The following CHD1 variants were observed in gnomAD, a reference collection of about 807,000 sequenced individuals.
The protein encoded by CHD1 is chromodomain helicase DNA binding protein 1.
In CHD1, 36 loss-of-function variants were observed where a neutral mutation model predicts 224.2. The observed-to-expected ratio is 0.16, with a 90% CI of 0.12 to 0.21. The LOEUF (loss-of-function observed/expected upper bound fraction) is 0.21. Ranked by LOEUF, CHD1 falls within the 10% of genes least tolerant of loss-of-function variation. The pLI, the probability that CHD1 is intolerant of heterozygous loss-of-function variation, is 1.00. For synonymous variants in CHD1, 668 were observed against 658.3 expected (o/e 1.01, Z -0.23); for missense variants, 1,378 against 1,994.8 (o/e 0.69, Z 5.89).
intron 17 of CHD1, among the ~76,000 whole-genome samples, chr5:98,886,628 T>C (rs991039298): frequency 5.9e-5 from 9 of 152,180 alleles, no homozygotes; most frequent in Non-Finnish European, 1.0e-4. Flanking sequence ...ATTTTAACTC[T>C]GCGAAGAAAA....
At chr5:98,910,730 T>C (rs1034398534) in intron 2 of CHD1, among the ~76,000 whole-genome samples, 2 of 152,168 alleles carry the variant, frequency 1.3e-5, no homozygotes, top group African/African-American at 2.4e-5. Context: ...GCAGATTATA[T>C]ACACATTATA....
At chr5:98,901,566 G>C (rs1183435028) in intron 5 of CHD1, among the ~76,000 whole-genome samples, 1 of 151,946 alleles carries the variant, frequency 6.6e-6, no homozygotes, top group African/African-American at 2.4e-5. Flanking sequence ...TCAGTGAACA[G>C]CAAATAAATG....
chr5:98,911,144 A>ATATATATACATATATATATATATAT (rs1321937045), intron 2 of CHD1, among the ~76,000 whole-genome samples: 3 of 73,760 alleles, frequency 4.1e-5, no homozygotes, highest in Non-Finnish European at 2.6e-5. Context: ...AAAAAAAAAA[A>ATATATATACATATATATATATATAT]AAATATATAT....
chr5:98,873,812 A>G (rs1749543054), intron 25 of CHD1, 89 bp from the exon 26 acceptor site: 3 of 1,204,040 alleles, frequency 2.5e-6, no homozygotes, highest in Admixed American at 2.1e-5. Flanking sequence ...CAAGATCTGA[A>G]TATCACTCTA....
Position 98,900,954 on chromosome 5 carries a change from T to C in CHD1, c.716A>G (p.Asn239Ser). 6.2e-7 allele frequency: 1 copy of C among 1,614,086 alleles called. No homozygotes were observed. Among genetic ancestry groups the C allele is most frequent in the Non-Finnish European group, 8.5e-7 (1 of 1,180,006 alleles). Reference protein sequence around the residue: ...KRSSRRQATVNVSYKEDEEMK... With the variant: ...KRSSRRQATVSVSYKEDEEMK... ...TTCTTCATCCTCCTTATAGCTAACATTAACAGTTGCTTGGCGACGAGAACT... is the reference window on the plus strand; with the variant it reads ...TTCTTCATCCTCCTTATAGCTAACACTAACAGTTGCTTGGCGACGAGAACT... The change falls in exon 7 of 36, where the codon AAT (asparagine) becomes AGT (serine). Residue 239 changes from asparagine (N) to serine (S), a missense_variant. By Grantham distance (46) the Asn-to-Ser change is conservative. Coordinates refer to ENST00000614616, the MANE Select transcript of CHD1 (RefSeq NM_001270.4).
chr5:98,910,639 G>A (rs1253752342), intron 2 of CHD1, among the ~76,000 whole-genome samples: 2 of 151,952 alleles, frequency 1.3e-5, no homozygotes, highest in South Asian at 2.1e-4. Context: ...TTTTTAACAT[G>A]AGCAAATTAC....
chr5:98,878,353 G>A (rs1414760032), intron 23 of CHD1, among the ~76,000 whole-genome samples: 3 of 152,076 alleles, frequency 2.0e-5, no homozygotes, highest in African/African-American at 7.2e-5. Context: ...TGCAAGAAAA[G>A]AAAAAACAAA....
chr5:98,881,704 T>G (rs1406090481), intron 20 of CHD1, among the ~76,000 whole-genome samples: 1 of 152,094 alleles, frequency 6.6e-6, no homozygotes, highest in Non-Finnish European at 1.5e-5. Flanking sequence ...GAGGTGGGGT[T>G]TCACTATGTT....
At chr5:98,907,628 T>TTATTTACTG (rs955035782) in intron 2 of CHD1, among the ~76,000 whole-genome samples, 2 of 151,302 alleles carry the variant, frequency 1.3e-5, no homozygotes, top group African/African-American at 4.9e-5. Context: ...AAGGAATATC[T>TTATTTACTG]TATTTACTGC....
chr5:98,873,576 T>C lies in CHD1; in HGVS notation c.3571+17A>G. ...TTCATTTACTTCTCTTTTAAATCAC[T>C]CTCAGTTTAATGTTACCTGTTCGTT... On this transcript the variant is annotated intron_variant, in intron 26 of 35. Coordinates refer to ENST00000614616, the MANE Select transcript of CHD1 (RefSeq NM_001270.4). 1 of 1,554,634 alleles carries C rather than the reference T, an allele frequency of 6.4e-7. No individual in the cohort carries two copies. Among genetic ancestry groups the C allele is most frequent in the Non-Finnish European group, 8.7e-7 (1 of 1,153,002 alleles).
chr5:98,888,663 T>C (rs867461519), intron 16 of CHD1, among the ~76,000 whole-genome samples: 5 of 152,230 alleles, frequency 3.3e-5, no homozygotes, highest in East Asian at 1.9e-4. Flanking sequence ...AGTGGCTGGA[T>C]TGCAGCTGTG....
chr5:98,884,576 G>A (rs550828886), intron 18 of CHD1, among the ~76,000 whole-genome samples: 1 of 152,126 alleles, frequency 6.6e-6, no homozygotes, highest in East Asian at 1.9e-4. Context: ...CTCAGGTGAA[G>A]GGTGCACCAA....
chr5:98,928,078 C>A (rs936279949), intron 1 of CHD1, among the ~76,000 whole-genome samples: 10 of 152,128 alleles, frequency 6.6e-5, no homozygotes, highest in Non-Finnish European at 1.3e-4. Context: ...GACCTGCCCC[C>A]CTCTCCCAGG....
chr5:98,855,489 T>C lies in CHD1; in HGVS notation c.*891A>G, dbSNP rs1486601413. The C allele has an allele frequency of 6.6e-6, 1 of 152,320 alleles. No individual in the cohort carries two copies. The highest frequency in any genetic ancestry group is 2.4e-5 in the African/African-American group (1 of 41,388). 9.4% of individuals were successfully genotyped at this position (152,320 alleles called of 1,614,324 possible). Reference sequence around the variant, plus strand: ...AGTTTAGATTTTACATATCTCGCCATTTTTTAAAACTACAAACACAATATT... The same window carrying C: ...AGTTTAGATTTTACATATCTCGCCACTTTTTAAAACTACAAACACAATATT... On this transcript the variant is annotated 3_prime_UTR_variant, in exon 36 of 36. Transcript: ENST00000614616.
In CHD1 at chr5:98,888,196, T is replaced by C. The variant is rs752845055; in HGVS notation, c.2388A>G (p.Leu796=). The change falls in exon 17 of 36, where the codon CTA becomes CTG. Residue 796 remains leucine (L), a synonymous_variant. Coordinates refer to ENST00000614616, the MANE Select transcript of CHD1 (RefSeq NM_001270.4). ...TGCCTCGTTCTCTTAGGCGAATTAA[T>C]AGCTTGTCAAGAAGAATCAATTTTC... The part of the protein sequence containing the change: ...SSGKLILLDK[L]LIRLRERGNR... 26 of 1,611,348 alleles carry C rather than the reference T, an allele frequency of 1.6e-5. No individual in the cohort carries two copies. The East Asian group carries it at 4.7e-4, about 29-fold the overall frequency.
At chr5:98,928,060 C>T (rs1753598762) in intron 1 of CHD1, among the ~76,000 whole-genome samples, 1 of 152,180 alleles carries the variant, frequency 6.6e-6, no homozygotes, top group Non-Finnish European at 1.5e-5. Context: ...CAATCAGCCT[C>T]CCTCGCGGAC....
intron 2 of CHD1, among the ~76,000 whole-genome samples, chr5:98,913,673 T>C (rs1752562677): frequency 6.6e-6 from 1 of 152,236 alleles, no homozygotes; most frequent in African/African-American, 2.4e-5. Context: ...CTCAGGTTTC[T>C]GCCACATAGA....
Position 98,881,114 on chromosome 5 carries a change from G to A in CHD1, c.3022C>T (p.Pro1008Ser), listed in dbSNP as rs1750140342. The A allele has an allele frequency of 6.2e-7, 1 of 1,611,238 alleles. No individual in the cohort carries two copies. The change falls in exon 22 of 36, where the codon CCT becomes TCT. Residue 1008 changes from proline to serine, a missense_variant. Around this residue, in one of 16 missense-constraint regions of CHD1, gnomAD observed 286 missense variants for 445.1 expected, o/e 0.64. Transcript: ENST00000614616. ...AGCAATTCATCTCCTACAGTTAAAG[G>A]ACCTGGTTCATTTTCATGAGTTTCA... is the stretch of plus-strand genomic sequence containing the variant. ...RAETHENEPG[P>S]LTVGDELLSQ... is the part of the protein sequence containing the mutation.
chr5:98,864,364 T>C (rs750155113), intron 31 of CHD1, among the ~76,000 whole-genome samples: 27 of 151,780 alleles, frequency 1.8e-4, no homozygotes, highest in Non-Finnish European at 3.2e-4. Context: ...AGACAATGCA[T>C]TTAGATAATC....
Sources: gnomAD v4.1 joint callset for allele counts (sites outside exome capture counted in the v4.1 genomes callset) on GRCh38, gnomAD v4.1.1 for gene constraint, gnomAD v4.1.1 regional missense constraint, MANE v1.5 for transcripts, NCBI Gene and HGNC (gene_info 2026-07-23, HGNC 2026-07-21) for gene names.